The following RNASET2 variants were observed in gnomAD, a reference collection of about 807,000 sequenced individuals.
RNASET2 encodes the protein ribonuclease T2.
In RNASET2, 28 loss-of-function variants were observed where a neutral mutation model predicts 33.9. The ratio of observed to expected loss-of-function variants is 0.83; its 90% confidence interval spans 0.61 to 1.13. The LOEUF (loss-of-function observed/expected upper bound fraction) is 1.13. Ranked by LOEUF, RNASET2 falls within the 50% of genes most tolerant of loss-of-function variation. RNASET2 has a pLI of 0.00. For missense variants in RNASET2, 330 were observed against 319.9 expected, an observed-to-expected ratio of 1.03 and a Z score of -0.24; for synonymous variants, 123 against 121.0, an observed-to-expected ratio of 1.02 and a Z score of -0.11.
At position 166,926,533 on chromosome 6, in the gene RNASET2, C is replaced by CAAAAAAAAAAA; in HGVS notation, c.*3044_*3054dup. 7.8e-6 allele frequency among the ~76,000 whole-genome samples: 1 copy of CAAAAAAAAAAA among 128,320 alleles called. No individual in the cohort carries two copies. Among genetic ancestry groups the CAAAAAAAAAAA allele is most frequent in the Non-Finnish European group, 1.6e-5 (1 of 61,848 alleles). 84.2% of individuals were successfully genotyped at this position (128,320 alleles called of 152,430 possible). On this transcript the variant is annotated 3_prime_UTR_variant, in exon 9 of 9. Coordinates refer to ENST00000508775, the MANE Select transcript of RNASET2 (RefSeq NM_003730.6). ...TGGGCGACAGAGTGAGACTCAGTCT[C>CAAAAAAAAAAA]AAAAAAAAAAAAAAAGAAAAGAAAA...
chr6:166,954,653 G>A (rs1005546940), intron 1 of RNASET2, among the ~76,000 whole-genome samples: 4 of 152,060 alleles, frequency 2.6e-5, no homozygotes, highest in Non-Finnish European at 5.9e-5. Flanking sequence ...TACACTTTCC[G>A]GAACACTGAA....
intron 8 of RNASET2, among the ~76,000 whole-genome samples, chr6:166,930,301 CACAG>C (rs746756516): frequency 1.8e-4 from 27 of 152,160 alleles, no homozygotes; most frequent in Non-Finnish European, 3.4e-4. Flanking sequence ...CACATGCTCA[CACAG>C]ACACACATGC....
chr6:166,955,503 G>T, intron 1 of RNASET2: 1 of 986,414 alleles, frequency 1.0e-6, no homozygotes, highest in Non-Finnish European at 1.2e-6. Flanking sequence ...ACCACCCGCC[G>T]CAGTGAAAGC....
In RNASET2 at chr6:166,925,137, G is replaced by A. The variant is rs1265487824; in HGVS notation, c.*4451C>T. On this transcript the variant is annotated 3_prime_UTR_variant, in exon 9 of 9. Coordinates refer to ENST00000508775, the MANE Select transcript of RNASET2 (RefSeq NM_003730.6). ...CACAGCCCTCACCTCTGCTGCCCAG[G>A]CCTCATCTACGCCATCCAGCCCTCA... Among the ~76,000 whole-genome samples the A allele has an allele frequency of 7.8e-6, 1 of 128,952 alleles. No homozygotes were observed. Among genetic ancestry groups the A allele is most frequent in the Admixed American group, 8.3e-5 (1 of 12,104 alleles). The allele number at this position is 128,952 out of a possible 152,430, so 84.6% of individuals were successfully genotyped here.
intron 3 of RNASET2, among the ~76,000 whole-genome samples, chr6:166,947,794 A>G (rs1778883437): frequency 1.3e-5 from 2 of 152,192 alleles, no homozygotes; most frequent in Admixed American, 1.3e-4. Context: ...AGTGGGACAA[A>G]ACGGGTCCTT....
chr6:166,950,798 C>T (rs963092624), intron 2 of RNASET2, among the ~76,000 whole-genome samples: 1 of 152,240 alleles, frequency 6.6e-6, no homozygotes, highest in Admixed American at 6.5e-5. Context: ...GTGCCAAGCA[C>T]AGCAAAGGAG....
chr6:166,955,189 G>C (rs151213404), intron 1 of RNASET2, among the ~76,000 whole-genome samples: 4 of 56,616 alleles, frequency 7.1e-5, no homozygotes, highest in Non-Finnish European at 1.4e-4. Flanking sequence ...ACACACACAC[G>C]CACACACGCA....
At chr6:166,949,526 G>C (rs1412770233) in intron 2 of RNASET2, among the ~76,000 whole-genome samples, 1 of 122,086 alleles carries the variant, frequency 8.2e-6, no homozygotes, top group Admixed American at 8.2e-5. Context: ...AAAAAAAAAA[G>C]AAAGAAATGA....
At chr6:166,950,523 G>T (rs1350633120) in intron 2 of RNASET2, among the ~76,000 whole-genome samples, 1 of 152,264 alleles carries the variant, frequency 6.6e-6, no homozygotes, top group African/African-American at 2.4e-5. Flanking sequence ...AGTGCTAGAG[G>T]CAAAACATAA....
Position 166,952,744 on chromosome 6 carries a change from C to T in RNASET2, c.87-196G>A, listed in dbSNP as rs564353629. On this transcript the variant is annotated intron_variant, in intron 1 of 8. Coordinates refer to ENST00000508775, the MANE Select transcript of RNASET2 (RefSeq NM_003730.6). ...TACACTAAGAAGGCACGTGTGGTGG[C>T]GTCCAGTGCTGAGTGGCGGAGAACA... The T allele has an allele frequency of 4.1e-4, 242 of 588,208 alleles. 3 individuals carry two copies. The South Asian group carries it at 4.2e-3, about 10-fold the overall frequency. The allele number at this position is 588,208 out of a possible 1,614,324, so 36.4% of individuals were successfully genotyped here.
intron 6 of RNASET2, among the ~76,000 whole-genome samples, chr6:166,938,006 G>C (rs1263281276): frequency 6.6e-6 from 1 of 152,202 alleles, no homozygotes; most frequent in Non-Finnish European, 1.5e-5. Context: ...GTCTAGATAA[G>C]CAATGGAGGT....
chr6:166,955,046 C>CCTT (rs10642330), intron 1 of RNASET2, among the ~76,000 whole-genome samples: 90,552 of 151,690 alleles, frequency 0.6, 28,505 homozygotes, highest in African/African-American at 0.79. Flanking sequence ...AGTAAGAAAT[C>CCTT]CTATTAACCC....
rs1562494886 is a variant in RNASET2 at position 166,934,151 on chromosome 6, T to A, written c.447-15A>T. The A allele has an allele frequency of 6.5e-7, 1 of 1,542,740 alleles. No homozygotes were observed. Among genetic ancestry groups the A allele is most frequent in the Admixed American group, 1.7e-5 (1 of 59,936 alleles). ...TTAGAAGCACACTAAAATTTAAATT[T>A]AAAAAAGTTAGCTGTATAATGAAGG... On this transcript the variant is annotated splice_polypyrimidine_tract_variant and intron_variant, in intron 6 of 8. Transcript: ENST00000508775.
In RNASET2 at chr6:166,926,860, C is replaced by G. The variant is rs538681887; in HGVS notation, c.*2728G>C. 3.1e-4 allele frequency among the ~76,000 whole-genome samples: 47 copies of G among 152,358 alleles called. No homozygotes were observed. Among genetic ancestry groups the G allele is most frequent in the African/African-American group, 1.1e-3 (46 of 41,598 alleles). On this transcript the variant is annotated 3_prime_UTR_variant, in exon 9 of 9. Transcript: ENST00000508775. ...ACGGGTCCTCTTTTCCATGGTGCCG[C>G]AGAGATGCTCCAGGCAGACGCCTGC... is the stretch of plus-strand genomic sequence containing the variant.
rs1051854170 is a variant in RNASET2, at chr6:166,926,629, C to T, written c.*2959G>A. On this transcript the variant is annotated 3_prime_UTR_variant, in exon 9 of 9. Transcript: ENST00000508775. ...TATTCAAGCGCATAATGATCTCCCACTACTAGCTTGGAGAGAGGGATTGCT... is the reference window on the plus strand; with the variant it reads ...TATTCAAGCGCATAATGATCTCCCATTACTAGCTTGGAGAGAGGGATTGCT... 3.3e-5 allele frequency among the ~76,000 whole-genome samples: 5 copies of T among 152,074 alleles called. No homozygotes were observed. Among genetic ancestry groups the T allele is most frequent in the African/African-American group, 1.2e-4 (5 of 41,406 alleles).
At chr6:166,936,253 T>C (rs892392132) in intron 6 of RNASET2, among the ~76,000 whole-genome samples, 2 of 152,180 alleles carry the variant, frequency 1.3e-5, no homozygotes, top group Admixed American at 6.5e-5. Context: ...AATGAATGAA[T>C]GGAGGACGCA....
rs1428192875 is a variant in RNASET2 at position 166,925,710 on chromosome 6, A to C, written c.*3878T>G. ...CCCTGGTCCCTGGGCGTGGAGGCGC[A>C]GAGCCACCCAGGACTGCAAAAGAAC... On this transcript the variant is annotated 3_prime_UTR_variant, in exon 9 of 9. Transcript: ENST00000508775. 6.6e-6 allele frequency among the ~76,000 whole-genome samples: 1 copy of C among 152,208 alleles called. No individual in the cohort carries two copies. Among genetic ancestry groups the C allele is most frequent in the Non-Finnish European group, 1.5e-5 (1 of 68,038 alleles).
Position 166,947,936 on chromosome 6 carries a change from G to A in RNASET2, c.203+634C>T, listed in dbSNP as rs544278790. Among the ~76,000 whole-genome samples the A allele has an allele frequency of 6.6e-5, 10 of 152,276 alleles. No individual in the cohort carries two copies. In the South Asian group the frequency reaches 1.2e-3, roughly 19 times the overall value. On this transcript the variant is annotated intron_variant, in intron 3 of 8. Transcript: ENST00000508775. ...AGTGTCTCTGAAATGTGTACGAGAC[G>A]TGCATTTATGTATTTTCATGTAGTT...
chr6:166,956,200 A>G lies in RNASET2; in HGVS notation c.-18T>C, dbSNP rs982916393. On this transcript the variant is annotated 5_prime_UTR_variant, in exon 1 of 9. Transcript: ENST00000508775. ...GGGCGCATGGTGCCGACCTGCGGAG[A>G]GAACGCTGCCAGCTGCCGCTCCGGC... is the stretch of plus-strand genomic sequence containing the variant. 1 of 1,545,146 alleles carries G rather than the reference A, an allele frequency of 6.5e-7. No homozygotes were observed. Among genetic ancestry groups the G allele is most frequent in the Non-Finnish European group, 8.7e-7 (1 of 1,143,888 alleles).
Sources: allele counts gnomAD v4.1 joint callset (sites outside exome capture counted in the v4.1 genomes callset), GRCh38; gene constraint gnomAD v4.1.1; transcripts MANE v1.5; gene names NCBI Gene and HGNC (gene_info 2026-07-23, HGNC 2026-07-21).